The following SNX8 variants were observed in gnomAD, a reference collection of about 807,000 sequenced individuals.
The protein encoded by SNX8 is sorting nexin 8, also known as sorting nexin-8.
SNX8 carries 25 observed loss-of-function variants against 51.6 expected under a neutral mutation model. The observed-to-expected ratio is 0.48, with a 90% CI of 0.35 to 0.68. The LOEUF (loss-of-function observed/expected upper bound fraction) is 0.68. Ranked by LOEUF, SNX8 falls within the 30% of genes least tolerant of loss-of-function variation. SNX8 has a pLI of 0.00. For synonymous variants in SNX8, 324 were observed against 277.0 expected (o/e 1.17, Z -1.68); for missense variants, 695 against 624.0 (o/e 1.11, Z -1.21).
chr7:2,302,750 C>T (rs1046636541), intron 1 of SNX8, among the ~76,000 whole-genome samples: 4 of 151,208 alleles, frequency 2.6e-5, no homozygotes, highest in African/African-American at 7.3e-5. Context: ...GCCTCTGCCC[C>T]ACCGCCCCGT....
intron 1 of SNX8, among the ~76,000 whole-genome samples, chr7:2,306,462 C>T (rs189703881): frequency 6.6e-6 from 1 of 152,272 alleles, no homozygotes; most frequent in East Asian, 1.9e-4. Context: ...TTCTGGAAAA[C>T]ATGTGGCAAG....
intron 1 of SNX8, among the ~76,000 whole-genome samples, chr7:2,302,777 G>A (rs552990377): frequency 4.1e-4 from 62 of 150,778 alleles, no homozygotes; most frequent in African/African-American, 1.2e-3. Flanking sequence ...TGTGAGGAGC[G>A]CCTCTGCCCG....
At chr7:2,310,014 G>C in intron 1 of SNX8, 2 of 387,812 alleles carry the variant, frequency 5.2e-6, no homozygotes, top group South Asian at 3.9e-5. Flanking sequence ...GGAATGTATG[G>C]AATGCCATGG....
intron 1 of SNX8, chr7:2,307,961 G>C (rs1796583416): frequency 6.6e-6 from 1 of 151,640 alleles, no homozygotes; most frequent in Non-Finnish European, 1.5e-5. Context: ...CACAAATTCT[G>C]GCAAAATCTG....
chr7:2,289,085 G>C (rs959571745), intron 1 of SNX8, among the ~76,000 whole-genome samples: 2 of 152,122 alleles, frequency 1.3e-5, no homozygotes, highest in Admixed American at 1.3e-4. Flanking sequence ...CTTTGTTCCT[G>C]ACGTCTTTCC....
chr7:2,336,354 C>T (rs141034210), intron 1 of SNX8, among the ~76,000 whole-genome samples: 293 of 150,384 alleles, frequency 1.9e-3, no homozygotes, highest in African/African-American at 6.6e-3. Context: ...GAGCCGAGAT[C>T]GTGCCATTTC....
At chr7:2,260,414 G>A (rs1032409323) in intron 7 of SNX8, among the ~76,000 whole-genome samples, 2 of 152,070 alleles carry the variant, frequency 1.3e-5, no homozygotes, top group Non-Finnish European at 2.9e-5. Flanking sequence ...ACGGATTTGT[G>A]TTAGGCCACA....
At chr7:2,314,130 G>A (rs1041248770) in intron 1 of SNX8, among the ~76,000 whole-genome samples, 198 bp downstream of exon 1, 1 of 152,186 alleles carries the variant, frequency 6.6e-6, no homozygotes, top group Non-Finnish European at 1.5e-5. Flanking sequence ...GGAGGCGCGA[G>A]AGAGCACGGG....
intron 1 of SNX8, among the ~76,000 whole-genome samples, chr7:2,287,330 A>G (rs1172884644): frequency 6.6e-6 from 1 of 151,830 alleles, no homozygotes; most frequent in Non-Finnish European, 1.5e-5. Context: ...CTGTAATTCC[A>G]GTACTTTGGG....
chr7:2,269,004 C>T (rs1365350771), intron 5 of SNX8, among the ~76,000 whole-genome samples: 22 of 137,580 alleles, frequency 1.6e-4, no homozygotes, highest in Admixed American at 4.4e-4. Context: ...CCCCTCTGCC[C>T]GGCCACCACC....
At chr7:2,268,570 G>A (rs1584679727) in intron 5 of SNX8, among the ~76,000 whole-genome samples, 1 of 145,542 alleles carries the variant, frequency 6.9e-6, no homozygotes, top group Admixed American at 6.7e-5. Context: ...CCCCCCGCCT[G>A]GCCAGCCGCC....
chr7:2,340,109 C>A (rs936844577), intron 1 of SNX8, among the ~76,000 whole-genome samples: 3 of 151,236 alleles, frequency 2.0e-5, no homozygotes, highest in Non-Finnish European at 4.4e-5. Flanking sequence ...TATTGTCAGG[C>A]TGGAGTGCAA....
At chr7:2,291,006 A>T (rs1444333751) in intron 1 of SNX8, among the ~76,000 whole-genome samples, 1 of 152,234 alleles carries the variant, frequency 6.6e-6, no homozygotes, top group East Asian at 1.9e-4. Context: ...AAGTATAAAC[A>T]GTCTTGTAGC....
chr7:2,271,783 G>A (rs1207492012), intron 4 of SNX8, 67 bp downstream of exon 4: 1 of 1,535,468 alleles, frequency 6.5e-7, no homozygotes. Context: ...CCTGAGAGAG[G>A]AAAAGGCGGG....
intron 7 of SNX8, among the ~76,000 whole-genome samples, chr7:2,262,734 C>A (rs1016200201): frequency 6.6e-6 from 1 of 152,236 alleles, no homozygotes; most frequent in African/African-American, 2.4e-5. Context: ...AACCCCCTCT[C>A]GAAAGCGTAA....
At chr7:2,322,565 A>G (rs951084052) in intron 1 of SNX8, among the ~76,000 whole-genome samples, 2 of 152,062 alleles carry the variant, frequency 1.3e-5, no homozygotes, top group Admixed American at 1.3e-4. Flanking sequence ...GTGGTGGCGC[A>G]CGCCTGTAAT....
chr7:2,323,772 G>A (rs777131168), intron 1 of SNX8, among the ~76,000 whole-genome samples: 2 of 152,128 alleles, frequency 1.3e-5, no homozygotes, highest in East Asian at 1.9e-4. Flanking sequence ...ACGCTAACAC[G>A]TATTGAATGC....
chr7:2,318,711 T>A (rs538087284), upstream of SNX8, among the ~76,000 whole-genome samples: 109 of 149,496 alleles, frequency 7.3e-4, no homozygotes, highest in African/African-American at 1.6e-3. Flanking sequence ...AAAAAAAAAA[T>A]TTAAAATTAA....
At chr7:2,263,424 G>A in intron 6 of SNX8, 62 bp from the exon 7 acceptor site, 4 of 1,499,030 alleles carry the variant, frequency 2.7e-6, no homozygotes, top group Non-Finnish European at 3.6e-6. Flanking sequence ...TGGCAGTCGA[G>A]TCTGGCATCC....
Sources: allele counts gnomAD v4.1 joint callset (sites outside exome capture counted in the v4.1 genomes callset), GRCh38; gene constraint gnomAD v4.1.1; transcripts MANE v1.5; gene names NCBI Gene and HGNC (gene_info 2026-07-23, HGNC 2026-07-21).